TSPEAR: variants seen among roughly 807,000 people sequenced by gnomAD.
The protein encoded by TSPEAR is thrombospondin type laminin G domain and EAR repeats, also known as thrombospondin-type laminin G domain and EAR repeat-containing protein.
Under a neutral mutation model 71.6 loss-of-function variants are expected in TSPEAR, and 69 were observed. The observed-to-expected ratio is 0.96, with a 90% CI of 0.79 to 1.18. TSPEAR has a LOEUF of 1.18. TSPEAR is among the 50% of genes most tolerant of loss of function. The pLI, the probability that TSPEAR is intolerant of heterozygous loss-of-function variation, is 0.00. For synonymous variants in TSPEAR, 402 were observed against 387.2 expected, an observed-to-expected ratio of 1.04 and a Z score of -0.45; for missense variants, 971 against 894.9, an observed-to-expected ratio of 1.09 and a Z score of -1.09.
intron 1 of TSPEAR, among the ~76,000 whole-genome samples, chr21:44,679,324 G>A (rs1475826164): frequency 6.6e-6 from 1 of 152,016 alleles, no homozygotes; most frequent in Non-Finnish European, 1.5e-5. Context: ...AAAATACCTG[G>A]CAATAAATAT....
intron 1 of TSPEAR, among the ~76,000 whole-genome samples, chr21:44,583,634 C>T (rs1979148980): frequency 6.6e-6 from 1 of 152,094 alleles, no homozygotes; most frequent in Non-Finnish European, 1.5e-5. Context: ...TTTTCTACTT[C>T]TATTTTATGA....
At chr21:44,559,034 GCA>G (rs2053595604) in intron 2 of TSPEAR, among the ~76,000 whole-genome samples, 1 of 152,168 alleles carries the variant, frequency 6.6e-6, no homozygotes, top group African/African-American at 2.4e-5. Context: ...TTGCATCAAA[GCA>G]CACTGCAGAA....
intron 2 of TSPEAR, among the ~76,000 whole-genome samples, chr21:44,534,397 GGTGT>G (rs1307144279): frequency 8.3e-6 from 1 of 120,912 alleles, no homozygotes; most frequent in East Asian, 2.6e-4. Flanking sequence ...GGGTGGGGCT[GGTGT>G]GTGAGGGGCG....
intron 9 of TSPEAR, chr21:44,516,472 G>A (rs2052574584): frequency 6.6e-6 from 1 of 152,284 alleles, no homozygotes; most frequent in African/African-American, 2.4e-5. Context: ...GTAGGGTGTG[G>A]GATGGAGATG....
intron 1 of TSPEAR, among the ~76,000 whole-genome samples, chr21:44,586,577 A>C (rs1273888455): frequency 1.3e-5 from 2 of 152,112 alleles, no homozygotes; most frequent in Non-Finnish European, 2.9e-5. Context: ...ATAATTTTAC[A>C]GCATTCCTCC....
intron 1 of TSPEAR, among the ~76,000 whole-genome samples, chr21:44,640,778 T>C (rs143937635): frequency 1.5e-3 from 231 of 152,358 alleles, no homozygotes; most frequent in African/African-American, 4.4e-3. Context: ...AGAAGGACTC[T>C]GAAGACAAAT....
At chr21:44,509,423 G>T (rs1335513040) in intron 9 of TSPEAR, 37 bp from the exon 10 acceptor site, 2 of 1,574,456 alleles carry the variant, frequency 1.3e-6, no homozygotes, top group African/African-American at 1.4e-5. Flanking sequence ...AGGTGTGGGG[G>T]AGCGGGCGCA....
intron 1 of TSPEAR, chr21:44,627,730 T>C: frequency 6.3e-7 from 1 of 1,594,692 alleles, no homozygotes; most frequent in Non-Finnish European, 8.6e-7. Flanking sequence ...TGTGCCTGTC[T>C]GCTGTAAGCC....
chr21:44,605,170 A>T (rs1981228254), intron 1 of TSPEAR, among the ~76,000 whole-genome samples: 1 of 152,256 alleles, frequency 6.6e-6, no homozygotes, highest in Non-Finnish European at 1.5e-5. Context: ...CTAACAATGA[A>T]CAATGATCCA....
At chr21:44,600,628 G>A (rs1306863378) in intron 1 of TSPEAR, 16 of 1,612,618 alleles carry the variant, frequency 9.9e-6, no homozygotes, top group African/African-American at 4.0e-5. Context: ...CAGCATGGCT[G>A]CGTCCACTAT....
intron 1 of TSPEAR, among the ~76,000 whole-genome samples, chr21:44,606,267 T>G (rs1981308358): frequency 6.6e-6 from 1 of 152,062 alleles, no homozygotes; most frequent in Non-Finnish European, 1.5e-5. Flanking sequence ...AGGTATATTT[T>G]TAAATGCTCA....
In TSPEAR at chr21:44,499,513, T is replaced by C; in HGVS notation, c.*270A>G. On this transcript the variant is annotated 3_prime_UTR_variant, in exon 12 of 12. Coordinates refer to ENST00000323084, the MANE Select transcript of TSPEAR (RefSeq NM_144991.3). Reference sequence around the variant, plus strand: ...GGTTCCTTGACAGCGAAATCCCCGCTTGACACTCAGATGGGCGAGCACTGG... The same window carrying C: ...GGTTCCTTGACAGCGAAATCCCCGCCTGACACTCAGATGGGCGAGCACTGG... 1 of 449,046 alleles carries C rather than the reference T, an allele frequency of 2.2e-6. No homozygotes were observed. The highest frequency in any genetic ancestry group is 3.9e-6 in the Non-Finnish European group (1 of 253,810). 27.8% of individuals were successfully genotyped at this position (449,046 alleles called of 1,614,324 possible).
In TSPEAR at chr21:44,580,493, G is replaced by A. The variant is rs587596198; in HGVS notation, c.83-12488C>T. 8 of 1,613,480 alleles carry A rather than the reference G, an allele frequency of 5.0e-6. No individual in the cohort carries two copies. The African/African-American group carries it at 6.7e-5, about 13-fold the overall frequency. On this transcript the variant is annotated intron_variant, in intron 1 of 11. Coordinates refer to ENST00000323084, the MANE Select transcript of TSPEAR (RefSeq NM_144991.3). ...CAGGCAGGGGGCGGTGCCGCAGGGG[G>A]GCTCACAGCAGCTCTCTGGGCAGTC...
intron 1 of TSPEAR, chr21:44,637,672 C>T (rs1983701661): frequency 1.3e-6 from 2 of 1,541,650 alleles, no homozygotes; most frequent in Non-Finnish European, 1.8e-6. Flanking sequence ...CGGATTGCTG[C>T]ACCTCCTCCC....
chr21:44,689,740 T>TA (rs1555949490), intron 1 of TSPEAR, among the ~76,000 whole-genome samples: 22 of 125,146 alleles, frequency 1.8e-4, no homozygotes, highest in Admixed American at 6.5e-4. Flanking sequence ...TATATATATA[T>TA]TTTGGGGGGG....
rs781918079 is a variant in TSPEAR at position 44,707,302 on chromosome 21, TG to T, written c.82+4130del. 7.4e-5 allele frequency among the ~76,000 whole-genome samples: 10 copies of T among 135,934 alleles called. No homozygotes were observed. The South Asian group carries it at 7.6e-4, about 10-fold the overall frequency. The allele number at this position is 135,934 out of a possible 152,430, so 89.2% of individuals were successfully genotyped here. ...ATGGGGGTGGGGAAAGGACGCGGGG[TG>T]GGGGGGGGTGCGGGGAGAGAGGACA... On this transcript the variant is annotated intron_variant, in intron 1 of 11. Coordinates refer to ENST00000323084, the MANE Select transcript of TSPEAR (RefSeq NM_144991.3).
chr21:44,521,441 G>C (rs2052730942), intron 9 of TSPEAR, among the ~76,000 whole-genome samples: 1 of 152,190 alleles, frequency 6.6e-6, no homozygotes, highest in Admixed American at 6.5e-5. Context: ...GTGCTGCCCC[G>C]ACCCGGCCCC....
chr21:44,542,742 T>A (rs1192406186), intron 2 of TSPEAR, among the ~76,000 whole-genome samples: 48 of 120,016 alleles, frequency 4.0e-4, no homozygotes, highest in South Asian at 8.9e-4. Flanking sequence ...AGAGACCTGT[T>A]AAAAAAAAAA....
chr21:44,597,445 T>C (rs1165348603), intron 1 of TSPEAR, among the ~76,000 whole-genome samples: 2 of 150,996 alleles, frequency 1.3e-5, no homozygotes, highest in Non-Finnish European at 3.0e-5. Context: ...TTCTTTTTTT[T>C]TTTTTTGATG....
Sources: allele counts gnomAD v4.1 joint callset (sites outside exome capture counted in the v4.1 genomes callset), GRCh38; gene constraint gnomAD v4.1.1; transcripts MANE v1.5; gene names NCBI Gene and HGNC (gene_info 2026-07-23, HGNC 2026-07-21).